The following SRPK2 variants were observed in gnomAD, a reference collection of about 807,000 sequenced individuals.
SRPK2 encodes SRSF protein kinase 2.
In SRPK2, 21 loss-of-function variants were observed where a neutral mutation model predicts 90.8. The observed-to-expected ratio is 0.23, with a 90% CI of 0.16 to 0.33. The LOEUF (loss-of-function observed/expected upper bound fraction) is 0.33, where lower values mean the gene tolerates loss of function less well. SRPK2 is among the 10% of genes least tolerant of loss of function. SRPK2 has a pLI of 1.00. For missense variants in SRPK2, 620 were observed against 869.0 expected, an observed-to-expected ratio of 0.71 and a Z score of 3.60; for synonymous variants, 288 against 311.1, an observed-to-expected ratio of 0.93 and a Z score of 0.78.
rs779206914 is a variant in SRPK2, at chr7:105,133,133, G to A, written c.1544-29C>T. ...GCATGAGCAAACAGCAGGACAGTTA[G>A]TGATCGGGATAGGTGGTTTGCATGT... On this transcript the variant is annotated intron_variant, in intron 11 of 15. Coordinates refer to ENST00000393651, the MANE Select transcript of SRPK2 (RefSeq NM_182692.3). 15 of 1,607,266 alleles carry A rather than the reference G, an allele frequency of 9.3e-6. 1 individual carries two copies. The South Asian group carries it at 1.6e-4, about 18-fold the overall frequency.
At chr7:105,269,563 T>G (rs1185092626) in intron 2 of SRPK2, among the ~76,000 whole-genome samples, 1 of 152,168 alleles carries the variant, frequency 6.6e-6, no homozygotes, top group Admixed American at 6.5e-5. Flanking sequence ...GATAATATAT[T>G]TGTCCTTTTA....
chr7:105,182,217 G>A (rs1585085318), intron 3 of SRPK2, among the ~76,000 whole-genome samples: 2 of 124,450 alleles, frequency 1.6e-5, no homozygotes, highest in African/African-American at 6.2e-5. Context: ...GGCAACAAGT[G>A]CAAGACTCTG....
downstream of SRPK2, chr7:105,115,622 A>G (rs1272960587): frequency 6.6e-6 from 1 of 152,212 alleles, no homozygotes. Flanking sequence ...CAAGCCGCCA[A>G]GAATCTGATA....
intron 2 of SRPK2, among the ~76,000 whole-genome samples, chr7:105,264,739 T>G (rs76925721): frequency 2.6e-5 from 4 of 152,352 alleles, no homozygotes; most frequent in Non-Finnish European, 5.9e-5. Context: ...ATAGCACTGT[T>G]GTGAGTTGTT....
intron 2 of SRPK2, among the ~76,000 whole-genome samples, chr7:105,380,614 C>A (rs1021654541): frequency 1.2e-4 from 18 of 150,834 alleles, no homozygotes; most frequent in African/African-American, 4.2e-4. Context: ...AGCTCTGCCT[C>A]CCGGGTTCAA....
chr7:105,384,427 G>C (rs567897104), intron 2 of SRPK2, among the ~76,000 whole-genome samples: 7 of 152,094 alleles, frequency 4.6e-5, no homozygotes, highest in Non-Finnish European at 7.4e-5. Context: ...TCTAGGAACT[G>C]GCTCAATTCA....
At chr7:105,340,727 A>G (rs1815666437) in intron 2 of SRPK2, among the ~76,000 whole-genome samples, 1 of 152,126 alleles carries the variant, frequency 6.6e-6, no homozygotes, top group Non-Finnish European at 1.5e-5. Context: ...TACATGAGTG[A>G]GCCACTGTAC....
intron 2 of SRPK2, among the ~76,000 whole-genome samples, chr7:105,378,833 A>G (rs1820605618): frequency 6.6e-6 from 1 of 152,160 alleles, no homozygotes; most frequent in Middle Eastern, 3.2e-3. Context: ...ATGAAATATC[A>G]ATACACACCC....
At chr7:105,149,558 C>T (rs1300968123) in intron 7 of SRPK2, among the ~76,000 whole-genome samples, 1 of 152,162 alleles carries the variant, frequency 6.6e-6, no homozygotes, top group African/African-American at 2.4e-5. Context: ...CCCCTGGGCC[C>T]ACTGTTGTTT....
chr7:105,295,562 G>A (rs1176263814), intron 2 of SRPK2, among the ~76,000 whole-genome samples: 5 of 152,108 alleles, frequency 3.3e-5, no homozygotes, highest in Admixed American at 1.3e-4. Flanking sequence ...ATGTGGTAGC[G>A]AGAATAAGCA....
At chr7:105,231,600 T>C (rs932973693) in intron 2 of SRPK2, among the ~76,000 whole-genome samples, 4 of 152,260 alleles carry the variant, frequency 2.6e-5, no homozygotes, top group African/African-American at 9.6e-5. Flanking sequence ...TTTTTAACCA[T>C]AGTCATTATA....
intron 2 of SRPK2, among the ~76,000 whole-genome samples, chr7:105,308,552 A>G (rs1811379119): frequency 6.6e-6 from 1 of 152,232 alleles, no homozygotes; most frequent in Non-Finnish European, 1.5e-5. Context: ...ATGACTACCA[A>G]GAAACTATAA....
At chr7:105,237,194 T>C (rs1198956735) in intron 2 of SRPK2, among the ~76,000 whole-genome samples, 1 of 152,238 alleles carries the variant, frequency 6.6e-6, no homozygotes, top group Non-Finnish European at 1.5e-5. Context: ...AGGTGTGATG[T>C]TCTAAATACC....
intron 7 of SRPK2, among the ~76,000 whole-genome samples, chr7:105,146,978 C>T (rs1301297167): frequency 6.6e-6 from 1 of 152,174 alleles, no homozygotes; most frequent in Non-Finnish European, 1.5e-5. Flanking sequence ...TCTGCCACTC[C>T]TGAGACAGCA....
At chr7:105,384,685 T>C (rs550404288) in intron 2 of SRPK2, among the ~76,000 whole-genome samples, 1 of 152,128 alleles carries the variant, frequency 6.6e-6, no homozygotes, top group Non-Finnish European at 1.5e-5. Context: ...ACGAAGCTAT[T>C]GTGGGCTTAA....
chr7:105,312,577 G>T (rs889610766), intron 2 of SRPK2, among the ~76,000 whole-genome samples: 1 of 152,116 alleles, frequency 6.6e-6, no homozygotes, highest in Non-Finnish European at 1.5e-5. Flanking sequence ...CACCTCAGAT[G>T]CAATTTTAAT....
At chr7:105,312,034 T>C (rs545669572) in intron 2 of SRPK2, among the ~76,000 whole-genome samples, 5 of 152,254 alleles carry the variant, frequency 3.3e-5, no homozygotes, top group African/African-American at 1.2e-4. Context: ...GCAAGTGAAC[T>C]TTGACAAATG....
chr7:105,158,799 T>G lies in SRPK2; in HGVS notation c.621+1708A>C, dbSNP rs140914588. 3.1e-3 allele frequency among the ~76,000 whole-genome samples: 464 copies of G among 151,080 alleles called. 14 individuals are homozygous for G. The East Asian group carries it at 0.062, about 20-fold the overall frequency. On this transcript the variant is annotated intron_variant, in intron 7 of 15. Coordinates refer to ENST00000393651, the MANE Select transcript of SRPK2 (RefSeq NM_182692.3). ...TTTTAACAATATGGTTTTATTTTTT[T>G]GTGTTTTTTTGTGTTTTTTTTTTTT...
At chr7:105,151,433 A>C (rs1313388542) in intron 7 of SRPK2, among the ~76,000 whole-genome samples, 2 of 152,236 alleles carry the variant, frequency 1.3e-5, no homozygotes, top group African/African-American at 4.8e-5. Context: ...AAACTCACAA[A>C]AACAAAGTCT....
Sources: gnomAD v4.1 joint callset for allele counts (sites outside exome capture counted in the v4.1 genomes callset) on GRCh38, gnomAD v4.1.1 for gene constraint, MANE v1.5 for transcripts, NCBI Gene and HGNC (gene_info 2026-07-23, HGNC 2026-07-21) for gene names.